The following CNOT4 variants were observed in gnomAD, a reference collection of about 807,000 sequenced individuals.
CNOT4 encodes the protein CCR4-NOT transcription complex subunit 4, also known as CCR4-associated factor 4.
A neutral mutation model predicts 73.8 loss-of-function variants in CNOT4; 8 were observed. That is an observed-to-expected ratio of 0.11 (90% confidence interval 0.06 to 0.20). The LOEUF is 0.20. CNOT4 is among the 10% of genes least tolerant of loss of function. CNOT4 has a pLI of 1.00. For synonymous variants in CNOT4, 293 were observed against 321.1 expected (o/e 0.91, Z 0.94); for missense variants, 564 against 883.4 (o/e 0.64, Z 4.58).
chr7:135,509,592 G>A (rs1441783325), intron 1 of CNOT4: 1 of 154,044 alleles, frequency 6.5e-6, no homozygotes, highest in Admixed American at 6.5e-5. Flanking sequence ...AGGGGGAAAA[G>A]CTGGAGACCA....
intron 1 of CNOT4, among the ~76,000 whole-genome samples, chr7:135,471,376 A>G (rs1801565650): frequency 6.6e-6 from 1 of 152,202 alleles, no homozygotes; most frequent in Non-Finnish European, 1.5e-5. Context: ...ATAAACTTAT[A>G]AAATCTGAGG....
At chr7:135,502,816 C>CAAAAAAA (rs56358299) in intron 1 of CNOT4, among the ~76,000 whole-genome samples, 1 of 59,160 alleles carries the variant, frequency 1.7e-5, no homozygotes, top group Non-Finnish European at 3.3e-5. Flanking sequence ...AACTCCATCT[C>CAAAAAAA]AAAAAAAAAA....
chr7:135,445,407 CCTACTGATGGTTACATATACCAG>C (rs1360637990), intron 1 of CNOT4, among the ~76,000 whole-genome samples: 1 of 152,120 alleles, frequency 6.6e-6, no homozygotes, highest in Admixed American at 6.6e-5. Context: ...GTAGATACCA[CCTACTGATGGTTACATATACCAG>C]GGAAATTTTA....
intron 1 of CNOT4, chr7:135,509,453 G>T (rs13241136): frequency 0.25 from 37,805 of 152,180 alleles, 5,392 homozygotes; most frequent in East Asian, 0.52. Flanking sequence ...AGCCAACACG[G>T]ATCAGAGTGG....
chr7:135,454,115 A>G (rs117999997), intron 1 of CNOT4, among the ~76,000 whole-genome samples: 6,869 of 151,578 alleles, frequency 0.045, 221 homozygotes, highest in Middle Eastern at 0.12. Flanking sequence ...TCTTCTTTAA[A>G]AGGAAGAAAA....
chr7:135,470,829 T>A (rs569901495), intron 1 of CNOT4, among the ~76,000 whole-genome samples: 1 of 152,066 alleles, frequency 6.6e-6, no homozygotes, highest in Admixed American at 6.5e-5. Flanking sequence ...GGGAGACAGG[T>A]ATTGAGTAGG....
At chr7:135,426,694 G>A (rs1056151334) in intron 2 of CNOT4, among the ~76,000 whole-genome samples, 1 of 151,884 alleles carries the variant, frequency 6.6e-6, no homozygotes, top group Non-Finnish European at 1.5e-5. Flanking sequence ...AGGCCGAGAC[G>A]TGTGGATCAC....
At chr7:135,479,438 T>C (rs980131002) in intron 1 of CNOT4, among the ~76,000 whole-genome samples, 2 of 151,844 alleles carry the variant, frequency 1.3e-5, no homozygotes, top group Admixed American at 1.3e-4. Flanking sequence ...CTCGATCTCT[T>C]GACCTTGTGA....
chr7:135,449,278 T>G (rs1392813801), intron 1 of CNOT4, among the ~76,000 whole-genome samples: 2 of 152,194 alleles, frequency 1.3e-5, no homozygotes, highest in Non-Finnish European at 2.9e-5. Context: ...AGGGGGATTC[T>G]GAGGTACGTG....
chr7:135,362,706 T>A lies in CNOT4; in HGVS notation c.*179A>T. On this transcript the variant is annotated 3_prime_UTR_variant, in exon 12 of 12. Transcript: ENST00000541284. ...GATCAACAAAAATTTTTACAATTAA[T>A]AAAGAGATGGTAATGACCCTGTGAT... 1 of 760,904 alleles carries A rather than the reference T, an allele frequency of 1.3e-6. No individual in the cohort carries two copies. Among genetic ancestry groups the A allele is most frequent in the Non-Finnish European group, 2.4e-6 (1 of 418,804 alleles). 47.1% of individuals were successfully genotyped at this position (760,904 alleles called of 1,614,324 possible). A position where few individuals can be genotyped will look rare whatever the true frequency, so the allele number is the denominator to read the frequency against.
rs1046573128 is a variant in CNOT4, at chr7:135,364,152, C to T, written c.1628-86G>A. 8 of 961,430 alleles carry T rather than the reference C, an allele frequency of 8.3e-6. No individual in the cohort carries two copies. Among genetic ancestry groups the T allele is most frequent in the East Asian group, 7.4e-5 (3 of 40,754 alleles). 59.6% of individuals were successfully genotyped at this position (961,430 alleles called of 1,614,324 possible). On this transcript the variant is annotated intron_variant, in intron 10 of 11. Transcript: ENST00000541284. The surrounding 1 kb of genome is among the most constrained non-coding windows in gnomAD (Gnocchi z 4.3). ...CATATGTTGTTCTTTAGTGGTTAAGCGGGAGAAGAATTATTCTTTCTTTAT... is the reference window on the plus strand; with the variant it reads ...CATATGTTGTTCTTTAGTGGTTAAGTGGGAGAAGAATTATTCTTTCTTTAT...
intron 10 of CNOT4, among the ~76,000 whole-genome samples, chr7:135,371,559 T>G (rs1398040156): frequency 6.6e-6 from 1 of 152,156 alleles, no homozygotes; most frequent in African/African-American, 2.4e-5. Flanking sequence ...TGGGAACATT[T>G]CAAAATATAA....
rs112951485 is a variant in CNOT4, at chr7:135,449,087, A to G, written c.-92-10664T>C. Reference sequence around the variant, plus strand: ...AAAAATGAAGAACTACAGGTAACACAGATGAATCTCCCAAACATAATTTGA... The same window carrying G: ...AAAAATGAAGAACTACAGGTAACACGGATGAATCTCCCAAACATAATTTGA... On this transcript the variant is annotated intron_variant, in intron 1 of 11. Transcript: ENST00000541284. Among the ~76,000 whole-genome samples, 4 of 152,352 alleles carry G rather than the reference A, an allele frequency of 2.6e-5. 1 individual carries two copies. The highest frequency in any genetic ancestry group is 9.6e-5 in the African/African-American group (4 of 41,580).
intron 1 of CNOT4, among the ~76,000 whole-genome samples, chr7:135,477,131 C>A (rs1444039821): frequency 6.6e-6 from 1 of 152,122 alleles, no homozygotes; most frequent in Non-Finnish European, 1.5e-5. Context: ...CACTCGAGGT[C>A]AGGAGTTCGA....
At position 135,364,231 on chromosome 7, in the gene CNOT4, C is replaced by T. The variant is rs766510654; in HGVS notation, c.1628-165G>A. 6.6e-6 allele frequency among the ~76,000 whole-genome samples: 1 copy of T among 152,176 alleles called. No homozygotes were observed. The highest frequency in any genetic ancestry group is 2.4e-5 in the African/African-American group (1 of 41,438). On this transcript the variant is annotated intron_variant, in intron 10 of 11. Coordinates refer to ENST00000541284, the MANE Select transcript of CNOT4 (RefSeq NM_001190850.2). This position sits in a 1 kb window ranked among gnomAD's most constrained non-coding sequence, Gnocchi z 4.3. ...AGATAAACTTGGTTAGGATTTTGCT[C>T]GTGAGCTCAGAGCCCCTGAAGTGAG...
chr7:135,374,679 T>G (rs1469409638), intron 10 of CNOT4, among the ~76,000 whole-genome samples: 3 of 152,234 alleles, frequency 2.0e-5, no homozygotes, highest in African/African-American at 7.2e-5. Context: ...ATAGTGTTAT[T>G]AATAACATGC....
intron 1 of CNOT4, among the ~76,000 whole-genome samples, chr7:135,468,235 AAAAT>A (rs548813436): frequency 7.2e-5 from 11 of 152,030 alleles, no homozygotes; most frequent in African/African-American, 2.6e-4. Flanking sequence ...AAATGAAATA[AAAAT>A]AAATAAATAA....
intron 1 of CNOT4, among the ~76,000 whole-genome samples, chr7:135,442,802 A>G (rs1799567235): frequency 6.6e-6 from 1 of 152,084 alleles, no homozygotes; most frequent in African/African-American, 2.4e-5. Flanking sequence ...TTACACCTGT[A>G]ATCCCAGCAC....
At chr7:135,419,109 A>G (rs929236756) in intron 3 of CNOT4, among the ~76,000 whole-genome samples, 33 of 152,306 alleles carry the variant, frequency 2.2e-4, no homozygotes, top group African/African-American at 7.9e-4. Flanking sequence ...CATTACCTCT[A>G]TCGTTGGCTC....
Sources: gnomAD v4.1 joint callset for allele counts (sites outside exome capture counted in the v4.1 genomes callset) on GRCh38, gnomAD v4.1.1 for gene constraint, Gnocchi (gnomAD v3.1) non-coding constraint, MANE v1.5 for transcripts, NCBI Gene and HGNC (gene_info 2026-07-23, HGNC 2026-07-21) for gene names.